RRAS2: variants seen among roughly 807,000 people sequenced by gnomAD.
RRAS2 encodes ras-related protein R-Ras2.
Under a neutral mutation model 27.6 loss-of-function variants are expected in RRAS2, and 7 were observed. That is an observed-to-expected ratio of 0.25 (90% CI 0.14 to 0.48). RRAS2 has a LOEUF of 0.48. Among genes scored for constraint, RRAS2 ranks in the 20% least tolerant of loss-of-function variants. The probability of loss-of-function intolerance (pLI) is 0.99; values close to 1 mark genes in which losing one functional copy is unlikely to be tolerated. For missense variants in RRAS2, 178 were observed against 256.2 expected (o/e 0.69, Z 2.08); for synonymous variants, 86 against 90.9 (o/e 0.95, Z 0.31).
intron 1 of RRAS2, among the ~76,000 whole-genome samples, chr11:14,311,007 A>G (rs926620877): frequency 1.4e-4 from 22 of 152,188 alleles, no homozygotes; most frequent in African/African-American, 4.8e-4. Context: ...CTTTTTTCAA[A>G]ACTCTGTGGC....
At chr11:14,352,239 A>T (rs1398161117) in intron 1 of RRAS2, among the ~76,000 whole-genome samples, 1 of 152,230 alleles carries the variant, frequency 6.6e-6, no homozygotes, top group Non-Finnish European at 1.5e-5. Flanking sequence ...GTATATACCG[A>T]CAATAAACTG....
intron 1 of RRAS2, among the ~76,000 whole-genome samples, chr11:14,316,342 C>A (rs893728721): frequency 6.6e-6 from 1 of 152,130 alleles, no homozygotes; most frequent in Non-Finnish European, 1.5e-5. Flanking sequence ...AAGAGAAAGA[C>A]AGAAGGGGTA....
intron 1 of RRAS2, among the ~76,000 whole-genome samples, chr11:14,357,986 G>C (rs1283130999): frequency 6.6e-6 from 1 of 152,126 alleles, no homozygotes; most frequent in Non-Finnish European, 1.5e-5. Context: ...ACCAGAGAGG[G>C]CTGGGGGTAG....
At chr11:14,356,752 T>C (rs782794453) in intron 1 of RRAS2, 1 of 453,340 alleles carries the variant, frequency 2.2e-6, no homozygotes, top group South Asian at 1.6e-5. Flanking sequence ...AGTGGAGGTA[T>C]TTCTTCAACA....
intron 1 of RRAS2, among the ~76,000 whole-genome samples, chr11:14,329,973 G>A (rs1179673805): frequency 2.6e-5 from 4 of 152,044 alleles, no homozygotes; most frequent in Non-Finnish European, 5.9e-5. Flanking sequence ...TCTTCAAGGG[G>A]CTGAAGCAGA....
At chr11:14,351,241 A>G (rs192258541) in intron 1 of RRAS2, among the ~76,000 whole-genome samples, 8 of 152,348 alleles carry the variant, frequency 5.3e-5, no homozygotes, top group African/African-American at 1.9e-4. Flanking sequence ...TCAATGTCAT[A>G]AAACACAGAG....
chr11:14,324,941 G>A (rs1848317309), intron 1 of RRAS2, among the ~76,000 whole-genome samples: 2 of 152,200 alleles, frequency 1.3e-5, no homozygotes, highest in Admixed American at 6.5e-5. Flanking sequence ...GTTTATGCAT[G>A]TGGAAAAAAG....
rs1849457799 is a variant in RRAS2, at chr11:14,279,378, T to C, written c.574A>G (p.Lys192Glu). The C allele has an allele frequency of 6.2e-7, 1 of 1,613,404 alleles. No homozygotes were observed. The highest frequency in any genetic ancestry group is 1.1e-5 in the South Asian group (1 of 91,066). The change falls in exon 6 of 6, where the codon AAA becomes GAA. Residue 192 changes from lysine to glutamate, a missense_variant. Physicochemically the swap from Lys to Glu is moderately conservative, Grantham distance 56. Transcript: ENST00000256196. ...ECPPSPEPTR[K>E]EKDKKGCHCV... The stretch of plus-strand genomic sequence containing the variant: ...TGGCAGCCTTTCTTGTCTTTTTCTT[T>C]CCGTGTTGGTTCTGGTGAAGGAGGA...
At chr11:14,343,859 A>G (rs1554953681) in intron 1 of RRAS2, among the ~76,000 whole-genome samples, 2 of 151,668 alleles carry the variant, frequency 1.3e-5, no homozygotes, top group South Asian at 2.1e-4. Flanking sequence ...AAAATAAAAT[A>G]AAACAAAAAT....
chr11:14,309,534 A>T (rs1444338958), intron 1 of RRAS2, among the ~76,000 whole-genome samples: 1 of 152,166 alleles, frequency 6.6e-6, no homozygotes, highest in Non-Finnish European at 1.5e-5. Context: ...CAACAGCAGG[A>T]GTTGGAGGGG....
chr11:14,363,109 G>A (rs1264830728), upstream of RRAS2, among the ~76,000 whole-genome samples: 2 of 152,164 alleles, frequency 1.3e-5, no homozygotes, highest in Non-Finnish European at 1.5e-5. Context: ...GGAATATCTA[G>A]CAACACTGGA....
chr11:14,349,841 C>T (rs572819615), intron 1 of RRAS2, among the ~76,000 whole-genome samples: 6 of 152,230 alleles, frequency 3.9e-5, no homozygotes, highest in South Asian at 2.1e-4. Flanking sequence ...ATTTGAAATA[C>T]GGTTCAGTTC....
intron 1 of RRAS2, among the ~76,000 whole-genome samples, chr11:14,317,130 T>A (rs1848125051): frequency 6.6e-6 from 1 of 152,256 alleles, no homozygotes; most frequent in African/African-American, 2.4e-5. Flanking sequence ...TACTGCCATT[T>A]AACACTGCTA....
intron 1 of RRAS2, among the ~76,000 whole-genome samples, chr11:14,315,021 CATGGTTTTTGTTATA>C (rs1848065297): frequency 6.6e-6 from 1 of 152,278 alleles, no homozygotes; most frequent in East Asian, 1.9e-4. Context: ...TTTAAATAGC[CATGGTTTTTGTTATA>C]AAAAGCAAAA....
intron 1 of RRAS2, among the ~76,000 whole-genome samples, chr11:14,352,316 T>C (rs188828839): frequency 6.6e-6 from 1 of 152,336 alleles, no homozygotes; most frequent in Non-Finnish European, 1.5e-5. Context: ...TCACATGGCC[T>C]TTATAAAACA....
chr11:14,337,590 G>A (rs1405467979), intron 1 of RRAS2, among the ~76,000 whole-genome samples: 1 of 152,148 alleles, frequency 6.6e-6, no homozygotes, highest in Admixed American at 6.5e-5. Context: ...GTATATGGTT[G>A]TAATTTTTCT....
At chr11:14,313,413 A>G (rs1470415614) in intron 1 of RRAS2, among the ~76,000 whole-genome samples, 2 of 152,254 alleles carry the variant, frequency 1.3e-5, no homozygotes, top group Non-Finnish European at 2.9e-5. Flanking sequence ...AAGTACTTTC[A>G]TAGTGCTTAT....
intron 1 of RRAS2, among the ~76,000 whole-genome samples, chr11:14,314,139 A>C (rs1554949233): frequency 6.6e-6 from 1 of 152,256 alleles, no homozygotes; most frequent in African/African-American, 2.4e-5. Context: ...CTGTGAGCTA[A>C]ATAACCTGAT....
chr11:14,285,177 C>T (rs530725055), intron 4 of RRAS2, among the ~76,000 whole-genome samples: 177 of 152,258 alleles, frequency 1.2e-3, no homozygotes, highest in Non-Finnish European at 2.0e-3. Context: ...GTGGCTGCTT[C>T]AGAATTTATG....
Sources: gnomAD v4.1 joint callset for allele counts (sites outside exome capture counted in the v4.1 genomes callset) on GRCh38, gnomAD v4.1.1 for gene constraint, MANE v1.5 for transcripts, NCBI Gene and HGNC (gene_info 2026-07-23, HGNC 2026-07-21) for gene names.